Variants in SLC16A10 observed in about 807,000 individuals in gnomAD.
SLC16A10 encodes monocarboxylate transporter 10.
Under a neutral mutation model 40.0 loss-of-function variants are expected in SLC16A10, and 27 were observed. The observed-to-expected ratio is 0.67, with a 90% CI of 0.50 to 0.93. SLC16A10 has a LOEUF of 0.93. SLC16A10 is among the 40% of genes least tolerant of loss of function. The pLI is 0.00. For missense variants in SLC16A10, 529 were observed against 658.2 expected, an observed-to-expected ratio of 0.80 and a Z score of 2.15; for synonymous variants, 213 against 249.8, an observed-to-expected ratio of 0.85 and a Z score of 1.39.
intron 1 of SLC16A10, among the ~76,000 whole-genome samples, chr6:111,092,508 G>A (rs555216603): frequency 1.3e-5 from 2 of 150,566 alleles, no homozygotes; most frequent in Admixed American, 1.3e-4. Context: ...TAGAGACAGG[G>A]TTTCACCATA....
intron 3 of SLC16A10, among the ~76,000 whole-genome samples, chr6:111,195,142 A>G (rs868240303): frequency 1.2e-4 from 19 of 152,314 alleles, no homozygotes; most frequent in Middle Eastern, 6.8e-3. Flanking sequence ...CTACCTATAT[A>G]CATAATGTTT....
chr6:111,135,610 T>C (rs1341009098), intron 1 of SLC16A10, among the ~76,000 whole-genome samples: 1 of 152,216 alleles, frequency 6.6e-6, no homozygotes, highest in African/African-American at 2.4e-5. Context: ...CTCTCAATTC[T>C]TGTTTGCCTT....
At chr6:111,162,937 A>G (rs1405474581) in intron 1 of SLC16A10, among the ~76,000 whole-genome samples, 1 of 151,888 alleles carries the variant, frequency 6.6e-6, no homozygotes, top group Non-Finnish European at 1.5e-5. Context: ...TTTTCCCTCT[A>G]TTCCAATGTC....
intron 3 of SLC16A10, among the ~76,000 whole-genome samples, chr6:111,205,853 C>T (rs188285382): frequency 2.6e-5 from 4 of 152,272 alleles, no homozygotes; most frequent in Non-Finnish European, 5.9e-5. Context: ...TGTTATAACT[C>T]GTTTCAGGGG....
chr6:111,187,672 T>C (rs1772921855), intron 3 of SLC16A10, among the ~76,000 whole-genome samples: 1 of 152,098 alleles, frequency 6.6e-6, no homozygotes, highest in Non-Finnish European at 1.5e-5. Flanking sequence ...AGAAACAAAA[T>C]TATTAGAGGA....
chr6:111,190,083 A>G (rs186897218), intron 3 of SLC16A10, among the ~76,000 whole-genome samples: 214 of 152,348 alleles, frequency 1.4e-3, no homozygotes, highest in African/African-American at 5.0e-3. Context: ...GTTACTTCCT[A>G]GATACAATAG....
At chr6:111,154,125 T>A (rs763871196) in intron 1 of SLC16A10, among the ~76,000 whole-genome samples, 1 of 152,240 alleles carries the variant, frequency 6.6e-6, no homozygotes, top group Non-Finnish European at 1.5e-5. Context: ...TTGGAGAATA[T>A]TTTCATTATC....
chr6:111,124,782 A>C (rs1313399130), intron 1 of SLC16A10, among the ~76,000 whole-genome samples: 1 of 152,244 alleles, frequency 6.6e-6, no homozygotes, highest in African/African-American at 2.4e-5. Context: ...CTCTACAAAC[A>C]TGAAGTAAAA....
At chr6:111,171,501 C>T (rs540504762) in intron 1 of SLC16A10, among the ~76,000 whole-genome samples, 1 of 152,252 alleles carries the variant, frequency 6.6e-6, no homozygotes, top group Admixed American at 6.5e-5. Flanking sequence ...AAGAAACACA[C>T]ACAAAAGAAA....
In SLC16A10 at chr6:111,228,739, A is replaced by G. The variant is rs1771053041; in HGVS notation, c.*6504A>G. On this transcript the variant is annotated 3_prime_UTR_variant, in exon 6 of 6. Coordinates refer to ENST00000368851, the MANE Select transcript of SLC16A10 (RefSeq NM_018593.5). ...TTCAGGAATGGAGGGTTTGTTATTA[A>G]TAGTGCTGGGCCGGGCACGGTGACT... is the stretch of plus-strand genomic sequence containing the variant. 6.6e-6 allele frequency: 1 copy of G among 152,112 alleles called. No homozygotes were observed. Among genetic ancestry groups the G allele is most frequent in the Non-Finnish European group, 1.5e-5 (1 of 68,024 alleles). 9.4% of individuals were successfully genotyped at this position (152,112 alleles called of 1,614,324 possible). A position where few individuals can be genotyped will look rare whatever the true frequency, so the allele number is the denominator to read the frequency against.
intron 1 of SLC16A10, among the ~76,000 whole-genome samples, chr6:111,159,383 G>C (rs149308100): frequency 2.0e-5 from 3 of 152,156 alleles, no homozygotes; most frequent in African/African-American, 7.2e-5. Flanking sequence ...GTGCACATGT[G>C]CAAAATTTCT....
intron 3 of SLC16A10, among the ~76,000 whole-genome samples, chr6:111,188,352 A>G (rs1392505701): frequency 6.7e-6 from 1 of 149,588 alleles, no homozygotes; most frequent in African/African-American, 2.5e-5. Flanking sequence ...ATGCTTTGCT[A>G]CTTTGCACAA....
At chr6:111,132,675 T>C (rs1322939451) in intron 1 of SLC16A10, among the ~76,000 whole-genome samples, 1 of 152,234 alleles carries the variant, frequency 6.6e-6, no homozygotes, top group Non-Finnish European at 1.5e-5. Flanking sequence ...AGGTAACTTA[T>C]TAACCACTGA....
At chr6:111,221,745 C>CAA (rs571830288) in intron 5 of SLC16A10, among the ~76,000 whole-genome samples, 1 of 120,688 alleles carries the variant, frequency 8.3e-6, no homozygotes, top group African/African-American at 3.0e-5. Flanking sequence ...GACCCTGTCT[C>CAA]AAAAAAAAAA....
intron 1 of SLC16A10, among the ~76,000 whole-genome samples, chr6:111,113,518 TG>T: frequency 6.6e-6 from 1 of 152,334 alleles, no homozygotes; most frequent in Middle Eastern, 3.4e-3. Flanking sequence ...AAGCTAAAAC[TG>T]GGGTTTCATT....
At chr6:111,100,992 C>CTCTATA (rs1410556945) in intron 1 of SLC16A10, among the ~76,000 whole-genome samples, 46 of 66,414 alleles carry the variant, frequency 6.9e-4, no homozygotes, top group African/African-American at 2.8e-3. Flanking sequence ...CTCTCTCTCT[C>CTCTATA]TATATATATA....
At position 111,222,037 on chromosome 6, in the gene SLC16A10, G is replaced by T; in HGVS notation, c.1350G>T (p.Val450=). 6.2e-7 allele frequency: 1 copy of T among 1,609,402 alleles called. No homozygotes were observed. Among genetic ancestry groups the T allele is most frequent in the Non-Finnish European group, 8.5e-7 (1 of 1,178,842 alleles). The stretch of plus-strand genomic sequence containing the variant: ...GTGACAAACTGGGCTCCTATGATGT[G>T]GCATTCTACCTCGCTGGAGTCCCTC... The part of the protein sequence containing the change: ...LLRDKLGSYD[V]AFYLAGVPPL... The change falls in exon 6 of 6, where the codon GTG becomes GTT. Residue 450 remains valine, a synonymous_variant. Transcript: ENST00000368851.
At chr6:111,207,718 A>T (rs1184767846) in intron 4 of SLC16A10, among the ~76,000 whole-genome samples, 1 of 151,626 alleles carries the variant, frequency 6.6e-6, no homozygotes, top group Non-Finnish European at 1.5e-5. Context: ...GAGACAGAGA[A>T]GCATGCTCCG....
At chr6:111,203,478 T>C (rs1391626402) in intron 3 of SLC16A10, among the ~76,000 whole-genome samples, 1 of 151,794 alleles carries the variant, frequency 6.6e-6, no homozygotes, top group Non-Finnish European at 1.5e-5. Context: ...TCATGCACTT[T>C]AGGAAGCCGA....
Sources: allele counts gnomAD v4.1 joint callset (sites outside exome capture counted in the v4.1 genomes callset), GRCh38; gene constraint gnomAD v4.1.1; transcripts MANE v1.5; gene names NCBI Gene and HGNC (gene_info 2026-07-23, HGNC 2026-07-21).